Variants in CNTNAP2 observed in about 807,000 individuals in gnomAD.
CNTNAP2 encodes contactin-associated protein-like 2.
In CNTNAP2, 98 loss-of-function variants were observed where a neutral mutation model predicts 155.2. The ratio of observed to expected loss-of-function variants is 0.63; its 90% CI spans 0.54 to 0.75. The LOEUF is 0.75. Among genes scored for constraint, CNTNAP2 ranks in the 30% least tolerant of loss-of-function variants. CNTNAP2 has a pLI of 0.00. For missense variants in CNTNAP2, 1,727 were observed against 1,688.1 expected, an observed-to-expected ratio of 1.02 and a Z score of -0.40; for synonymous variants, 651 against 631.2, an observed-to-expected ratio of 1.03 and a Z score of -0.47.
intron 22 of CNTNAP2, among the ~76,000 whole-genome samples, chr7:148,395,120 C>T: frequency 8.6e-6 from 1 of 115,626 alleles, no homozygotes; most frequent in African/African-American, 4.6e-5. Context: ...TTTCTGTTGA[C>T]CCCCCCCCCT....
At chr7:146,676,538 T>A (rs529797652) in intron 1 of CNTNAP2, among the ~76,000 whole-genome samples, 2 of 152,080 alleles carry the variant, frequency 1.3e-5, no homozygotes, top group South Asian at 4.1e-4. Context: ...TGTGGAGGTT[T>A]GGGGTACAGA....
chr7:146,397,871 C>CTTTT (rs1438446898), intron 1 of CNTNAP2, among the ~76,000 whole-genome samples: 16 of 126,942 alleles, frequency 1.3e-4, no homozygotes, highest in African/African-American at 3.0e-4. Flanking sequence ...ATTTGACAGG[C>CTTTT]TTTTATTTAT....
Position 146,354,670 on chromosome 7 carries a change from C to G in CNTNAP2, c.97+237697C>G, listed in dbSNP as rs1358249505. Reference sequence around the variant, plus strand: ...CCTTAGGTGATCCACCCACCTCAGCCTCCCAAAGTGCTAGGATTACGGAAG... The same window carrying G: ...CCTTAGGTGATCCACCCACCTCAGCGTCCCAAAGTGCTAGGATTACGGAAG... On this transcript the variant is annotated intron_variant, in intron 1 of 23. Transcript: ENST00000361727. Among the ~76,000 whole-genome samples, 22 of 152,252 alleles carry G rather than the reference C, an allele frequency of 1.4e-4. No individual in the cohort carries two copies. In the East Asian group the frequency reaches 3.5e-3, roughly 24 times the overall value.
intron 1 of CNTNAP2, among the ~76,000 whole-genome samples, chr7:146,737,261 C>T (rs566275581): frequency 6.6e-6 from 1 of 152,086 alleles, no homozygotes; most frequent in Non-Finnish European, 1.5e-5. Flanking sequence ...TGCATTACCT[C>T]ACATAGTTAT....
At chr7:147,070,869 T>C (rs1799877000) in intron 4 of CNTNAP2, among the ~76,000 whole-genome samples, 1 of 152,186 alleles carries the variant, frequency 6.6e-6, no homozygotes, top group Non-Finnish European at 1.5e-5. Context: ...CAGAACATGA[T>C]TTAAAACTAA....
Position 148,188,716 on chromosome 7 carries a change from C to T in CNTNAP2, c.3010+16238C>T, listed in dbSNP as rs544729811. 9.9e-5 allele frequency among the ~76,000 whole-genome samples: 15 copies of T among 152,276 alleles called. No individual in the cohort carries two copies. In the South Asian group the frequency reaches 3.1e-3, roughly 32 times the overall value. On this transcript the variant is annotated intron_variant, in intron 18 of 23. Coordinates refer to ENST00000361727, the MANE Select transcript of CNTNAP2 (RefSeq NM_014141.6). Reference sequence around the variant, plus strand: ...ATTTTGTACTATTGGAAAATGTATTCTGAGTTCCTAAAATCAATTTATATT... The same window carrying T: ...ATTTTGTACTATTGGAAAATGTATTTTGAGTTCCTAAAATCAATTTATATT...
At chr7:146,660,094 C>A (rs1399718459) in intron 1 of CNTNAP2, among the ~76,000 whole-genome samples, 2 of 152,166 alleles carry the variant, frequency 1.3e-5, no homozygotes, top group Non-Finnish European at 2.9e-5. Context: ...AAAGAGGATG[C>A]CTTTCTTTTA....
chr7:147,900,261 A>T (rs1017220636), intron 13 of CNTNAP2, among the ~76,000 whole-genome samples: 2 of 152,090 alleles, frequency 1.3e-5, no homozygotes, highest in South Asian at 4.2e-4. Context: ...TTGTAATCTG[A>T]ATTGTAACCC....
chr7:146,772,093 G>C (rs1802302205), intron 1 of CNTNAP2, among the ~76,000 whole-genome samples: 1 of 151,946 alleles, frequency 6.6e-6, no homozygotes, highest in Non-Finnish European at 1.5e-5. Context: ...GTAAGCATTA[G>C]GCCAACTAAA....
At chr7:146,312,107 A>G (rs1800835307) in intron 1 of CNTNAP2, among the ~76,000 whole-genome samples, 1 of 152,204 alleles carries the variant, frequency 6.6e-6, no homozygotes, top group Non-Finnish European at 1.5e-5. Flanking sequence ...ATAAGCTGCC[A>G]GCAATGTAAA....
intron 5 of CNTNAP2, among the ~76,000 whole-genome samples, chr7:147,120,566 C>T (rs1308918804): frequency 6.6e-6 from 1 of 151,898 alleles, no homozygotes; most frequent in Non-Finnish European, 1.5e-5. Context: ...CTTGTACGTA[C>T]TTTGAACATA....
intron 8 of CNTNAP2, among the ~76,000 whole-genome samples, chr7:147,174,444 C>A (rs1584771935): frequency 6.6e-6 from 1 of 152,238 alleles, no homozygotes; most frequent in East Asian, 1.9e-4. Context: ...AATACTACTC[C>A]ATTGCAAATA....
intron 1 of CNTNAP2, among the ~76,000 whole-genome samples, chr7:146,126,226 A>G (rs1419921481): frequency 6.6e-6 from 1 of 152,218 alleles, no homozygotes; most frequent in African/African-American, 2.4e-5. Flanking sequence ...TTCAGCTTAC[A>G]TCTAGGCAAC....
intron 1 of CNTNAP2, among the ~76,000 whole-genome samples, chr7:146,682,529 C>T (rs1188118484): frequency 6.6e-6 from 1 of 152,072 alleles, no homozygotes; most frequent in Non-Finnish European, 1.5e-5. Context: ...AGGCAAGTTA[C>T]CTTCATTTCT....
At chr7:146,871,270 C>CGT (rs1795300773) in intron 3 of CNTNAP2, among the ~76,000 whole-genome samples, 1 of 152,074 alleles carries the variant, frequency 6.6e-6, no homozygotes, top group African/African-American at 2.4e-5. Flanking sequence ...GTGGCTCACG[C>CGT]CTGTAATCCT....
intron 20 of CNTNAP2, among the ~76,000 whole-genome samples, chr7:148,233,079 G>A (rs1255403621): frequency 6.6e-6 from 1 of 152,202 alleles, no homozygotes; most frequent in Admixed American, 6.5e-5. Flanking sequence ...ATAGCTTAAG[G>A]CTTAATGCCA....
chr7:148,006,963 C>A (rs1309353004), intron 15 of CNTNAP2, among the ~76,000 whole-genome samples: 2 of 152,168 alleles, frequency 1.3e-5, no homozygotes, highest in Non-Finnish European at 2.9e-5. Flanking sequence ...CTTTGACTTA[C>A]ATGTTTATGA....
intron 1 of CNTNAP2, among the ~76,000 whole-genome samples, chr7:146,142,665 G>A (rs1319071566): frequency 6.6e-6 from 1 of 152,232 alleles, no homozygotes; most frequent in African/African-American, 2.4e-5. Context: ...ACATGATTAC[G>A]ATCTATGTAA....
At chr7:146,600,704 A>G (rs1798938113) in intron 1 of CNTNAP2, among the ~76,000 whole-genome samples, 1 of 152,086 alleles carries the variant, frequency 6.6e-6, no homozygotes, top group Non-Finnish European at 1.5e-5. Flanking sequence ...TATAATTTTT[A>G]CTTATCCTTT....
Sources: gnomAD v4.1 joint callset for allele counts (sites outside exome capture counted in the v4.1 genomes callset) on GRCh38, gnomAD v4.1.1 for gene constraint, MANE v1.5 for transcripts, NCBI Gene and HGNC (gene_info 2026-07-23, HGNC 2026-07-21) for gene names.